The following TVP23A variants were observed in gnomAD, a reference collection of about 807,000 sequenced individuals.
TVP23A encodes trans-golgi network vesicle protein 23 homolog A.
TVP23A carries 21 observed loss-of-function variants against 31.7 expected under a neutral mutation model. The observed-to-expected ratio is 0.66, with a 90% CI of 0.47 to 0.95. The LOEUF (loss-of-function observed/expected upper bound fraction) is 0.95. TVP23A is among the 40% of genes least tolerant of loss of function. TVP23A has a pLI of 0.00. For synonymous variants in TVP23A, 104 were observed against 96.0 expected, an observed-to-expected ratio of 1.08 and a Z score of -0.49; for missense variants, 279 against 255.6, an observed-to-expected ratio of 1.09 and a Z score of -0.62.
intron 2 of TVP23A, among the ~76,000 whole-genome samples, chr16:10,798,665 GT>G (rs1003933414): frequency 6.6e-6 from 1 of 151,980 alleles, no homozygotes; most frequent in African/African-American, 2.4e-5. Flanking sequence ...TTTTGTTTTT[GT>G]TTTTGTTTTT....
At chr16:10,770,415 A>C in intron 6 of TVP23A, 84 bp from the exon 7 acceptor site, 1 of 1,453,676 alleles carries the variant, frequency 6.9e-7, no homozygotes, top group Non-Finnish European at 9.3e-7. Flanking sequence ...GAGAAAACCC[A>C]CAAAGTACAG....
At chr16:10,760,763 T>C (rs1567260895), downstream of TVP23A, among the ~76,000 whole-genome samples, 1 of 152,144 alleles carries the variant, frequency 6.6e-6, no homozygotes, top group Non-Finnish European at 1.5e-5. Context: ...TCTTTTAGGT[T>C]GATTTCTTGC....
chr16:10,818,029 T>C lies in TVP23A; in HGVS notation c.89+74A>G. On this transcript the variant is annotated intron_variant, in intron 2 of 7. Transcript: ENST00000299866. The surrounding 1 kb of genome is among the most constrained non-coding windows in gnomAD (Gnocchi z 4.7). ...CACACAGTAGGTGCTCAATATATTTTGAATGAATGAGTGAGTAAATGAATG... is the reference window on the plus strand; with the variant it reads ...CACACAGTAGGTGCTCAATATATTTCGAATGAATGAGTGAGTAAATGAATG... The C allele has an allele frequency of 7.7e-7, 1 of 1,297,556 alleles. No individual in the cohort carries two copies. The highest frequency in any genetic ancestry group is 1.1e-6 in the Non-Finnish European group (1 of 914,258). The allele number at this position is 1,297,556 out of a possible 1,614,324, so 80.4% of individuals were successfully genotyped here.
chr16:10,768,917 C>CAGG lies in TVP23A; in HGVS notation c.*184_*185insCCT. On this transcript the variant is annotated 3_prime_UTR_variant, in exon 8 of 8. Coordinates refer to ENST00000299866, the MANE Select transcript of TVP23A (RefSeq NM_001079512.4). The surrounding 1 kb of genome is among the most constrained non-coding windows in gnomAD (Gnocchi z 4.3). ...TTTCAAAGACTCAGGGCATCACAGA[C>CAGG]ACAGGTCTTTTTATGGAACTAGCCA... is the stretch of plus-strand genomic sequence containing the variant. 1.3e-6 allele frequency: 1 copy of CAGG among 755,072 alleles called. No individual in the cohort carries two copies. Among genetic ancestry groups the CAGG allele is most frequent in the Non-Finnish European group, 2.3e-6 (1 of 440,124 alleles). The allele number at this position is 755,072 out of a possible 1,614,324, so 46.8% of individuals were successfully genotyped here. A position where few individuals can be genotyped will look rare whatever the true frequency, so the allele number is the denominator to read the frequency against.
At chr16:10,765,340 A>AG (rs1422596048), downstream of TVP23A, among the ~76,000 whole-genome samples, 9 of 151,374 alleles carry the variant, frequency 5.9e-5, no homozygotes, top group East Asian at 1.5e-3. This position sits in a 1 kb window ranked among gnomAD's most constrained non-coding sequence, Gnocchi z 4.0. Context: ...AAAAAAAAAA[A>AG]AAAAAAAAAG....
intron 2 of TVP23A, among the ~76,000 whole-genome samples, chr16:10,807,483 G>T (rs563018157): frequency 1.6e-4 from 25 of 152,104 alleles, no homozygotes; most frequent in South Asian, 4.1e-4. Context: ...TCTCAACCAG[G>T]GGCAATGTGG....
chr16:10,813,238 C>T (rs1197009595), intron 2 of TVP23A, among the ~76,000 whole-genome samples: 1 of 152,182 alleles, frequency 6.6e-6, no homozygotes, highest in Non-Finnish European at 1.5e-5. Flanking sequence ...ACCGACTGGC[C>T]AATGGAGGCC....
At chr16:10,758,865 C>T (rs1900750674), downstream of TVP23A, among the ~76,000 whole-genome samples, 1 of 152,198 alleles carries the variant, frequency 6.6e-6, no homozygotes, top group South Asian at 2.1e-4. Context: ...AGTGGCTGTA[C>T]TCCAAGGCCC....
At chr16:10,810,224 A>T (rs2034132241) in intron 2 of TVP23A, among the ~76,000 whole-genome samples, 1 of 152,152 alleles carries the variant, frequency 6.6e-6, no homozygotes, top group Admixed American at 6.5e-5. Context: ...TAGGAAAAAA[A>T]AAAAATTAGC....
intron 5 of TVP23A, among the ~76,000 whole-genome samples, chr16:10,772,306 C>T (rs1241919600): frequency 5.3e-5 from 8 of 152,156 alleles, no homozygotes; most frequent in African/African-American, 1.9e-4. Context: ...GATCCAAATT[C>T]CAGGGCCCGC....
Position 10,795,313 on chromosome 16 carries a change from T to C in TVP23A, c.90-20217A>G, listed in dbSNP as rs550499399. ...TTGCCCAGACTGGAGTGCAGTGGCA[T>C]GATCTTGGCTAACTGCAACCTCCAC... is the stretch of plus-strand genomic sequence containing the variant. On this transcript the variant is annotated intron_variant, in intron 2 of 7. Transcript: ENST00000299866. 4.0e-5 allele frequency among the ~76,000 whole-genome samples: 6 copies of C among 151,706 alleles called. No individual in the cohort carries two copies. In the South Asian group the frequency reaches 1.0e-3, roughly 26 times the overall value.
chr16:10,778,280 G>A (rs1369938556), intron 2 of TVP23A, among the ~76,000 whole-genome samples: 1 of 152,176 alleles, frequency 6.6e-6, no homozygotes, highest in Admixed American at 6.5e-5. Context: ...GTTGCAGTGA[G>A]TCGAGATGAT....
At position 10,773,416 on chromosome 16, in the gene TVP23A, G is replaced by A. The variant is rs1193676897; in HGVS notation, c.350C>T (p.Thr117Ile). ...CCAGAAGATTCGTGCTTCAGCTTCT[G>A]TGGCAGCAATGCTATTCGGAGAGAC... Reference protein sequence around the residue: ...RKVSPNSIAATEAEARIFWLG... With the variant: ...RKVSPNSIAAIEAEARIFWLG... The change falls in exon 5 of 8, where the codon ACA becomes ATA. Residue 117 changes from threonine (T) to isoleucine (I), a missense_variant. Transcript: ENST00000299866. 6 of 1,609,756 alleles carry A rather than the reference G, an allele frequency of 3.7e-6. No individual in the cohort carries two copies. Among genetic ancestry groups the A allele is most frequent in the Middle Eastern group, 1.6e-4 (1 of 6,068 alleles).
chr16:10,779,026 T>C lies in TVP23A; in HGVS notation c.90-3930A>G, dbSNP rs1444726685. 1.2e-4 allele frequency among the ~76,000 whole-genome samples: 19 copies of C among 152,262 alleles called. No individual in the cohort carries two copies. In the East Asian group the frequency reaches 3.5e-3, roughly 28 times the overall value. On this transcript the variant is annotated intron_variant, in intron 2 of 7. Transcript: ENST00000299866. This position sits in a 1 kb window ranked among gnomAD's most constrained non-coding sequence, Gnocchi z 4.9. Reference sequence around the variant, plus strand: ...AAGTGTGCGCTGACCCATGGTAAAATGTGGAAGTAAATGCATTCGAATAAA... The same window carrying C: ...AAGTGTGCGCTGACCCATGGTAAAACGTGGAAGTAAATGCATTCGAATAAA...
At position 10,768,535 on chromosome 16, in the gene TVP23A, A is replaced by C. The variant is rs1372443139; in HGVS notation, c.*567T>G. On this transcript the variant is annotated 3_prime_UTR_variant, in exon 8 of 8. Coordinates refer to ENST00000299866, the MANE Select transcript of TVP23A (RefSeq NM_001079512.4). The surrounding 1 kb of genome is among the most constrained non-coding windows in gnomAD (Gnocchi z 4.3). ...GGCAGGAGAATCGCTTGAACCTGGG[A>C]GGCGGAGGCTGCAGTAAGGCGAGAT... 1 of 157,044 alleles carries C rather than the reference A, an allele frequency of 6.4e-6. No homozygotes were observed. Among genetic ancestry groups the C allele is most frequent in the East Asian group, 1.9e-4 (1 of 5,348 alleles). 9.7% of individuals were successfully genotyped at this position (157,044 alleles called of 1,614,324 possible).
chr16:10,761,059 C>CGCCG, downstream of TVP23A: 1 of 280,522 alleles, frequency 3.6e-6, no homozygotes, highest in Non-Finnish European at 7.0e-6. Context: ...GAGGAACTGT[C>CGCCG]AAACACTTAC....
At chr16:10,761,795 G>A (rs565678589), downstream of TVP23A, 90 of 1,614,054 alleles carry the variant, frequency 5.6e-5, no homozygotes, top group South Asian at 2.5e-4. Flanking sequence ...CCGGGGGCGC[G>A]GAGCTCATGT....
chr16:10,809,220 A>G (rs1432099661), intron 2 of TVP23A, among the ~76,000 whole-genome samples: 2 of 152,182 alleles, frequency 1.3e-5, no homozygotes, highest in African/African-American at 4.8e-5. Flanking sequence ...CCCATTTTAC[A>G]GAAAAGAAAA....
chr16:10,818,504 G>A lies in TVP23A; in HGVS notation c.-11C>T, dbSNP rs1250153901. On this transcript the variant is annotated 5_prime_UTR_variant, in exon 1 of 8. Transcript: ENST00000299866. The surrounding 1 kb of genome is among the most constrained non-coding windows in gnomAD (Gnocchi z 4.7). ...CCCTACCTGCTTCATCACCCTCCCA[G>A]GAGCCCACCTGGCGCCCAGGCCCGG... The A allele has an allele frequency of 1.2e-6, 2 of 1,603,452 alleles. No homozygotes were observed. The highest frequency in any genetic ancestry group is 1.1e-5 in the South Asian group (1 of 90,150).
Sources: allele counts gnomAD v4.1 joint callset (sites outside exome capture counted in the v4.1 genomes callset), GRCh38; gene constraint gnomAD v4.1.1; non-coding constraint Gnocchi (gnomAD v3.1); transcripts MANE v1.5; gene names NCBI Gene and HGNC (gene_info 2026-07-23, HGNC 2026-07-21).